PTPRD: variants seen among roughly 807,000 people sequenced by gnomAD.
The protein encoded by PTPRD is protein tyrosine phosphatase receptor type D.
In PTPRD, 34 loss-of-function variants were observed where a neutral mutation model predicts 214.5. That is an observed-to-expected ratio of 0.16 (90% CI 0.12 to 0.21). The LOEUF is 0.21. Among genes scored for constraint, PTPRD ranks in the 10% least tolerant of loss-of-function variants. The pLI, the probability that PTPRD is intolerant of heterozygous loss-of-function variation, is 1.00. For synonymous variants in PTPRD, 1,128 were observed against 845.7 expected (o/e 1.33, Z -5.79); for missense variants, 2,545 against 2,398.7 (o/e 1.06, Z -1.27).
At chr9:10,283,249 G>T (rs976634618) in intron 3 of PTPRD, among the ~76,000 whole-genome samples, 1 of 152,064 alleles carries the variant, frequency 6.6e-6, no homozygotes, top group African/African-American at 2.4e-5. Context: ...ATGTCCTGAT[G>T]TATGTGCTTA....
chr9:8,480,168 G>T (rs747624206), intron 30 of PTPRD, among the ~76,000 whole-genome samples: 1 of 152,192 alleles, frequency 6.6e-6, no homozygotes, highest in Admixed American at 6.5e-5. Context: ...CAGCAGGAAA[G>T]TCTTAAGAGG....
intron 4 of PTPRD, among the ~76,000 whole-genome samples, chr9:9,999,586 A>G (rs2096258452): frequency 6.6e-6 from 1 of 152,204 alleles, no homozygotes; most frequent in Non-Finnish European, 1.5e-5. Context: ...ATTATTTACT[A>G]CGTCACTCTC....
chr9:9,530,659 T>C (rs188291665), intron 8 of PTPRD, among the ~76,000 whole-genome samples: 3 of 152,304 alleles, frequency 2.0e-5, no homozygotes, highest in African/African-American at 7.2e-5. Flanking sequence ...AAAGAAAATG[T>C]TGTGTGTCAC....
chr9:8,426,463 C>T (rs1365769388), intron 35 of PTPRD, among the ~76,000 whole-genome samples: 2 of 152,098 alleles, frequency 1.3e-5, no homozygotes. Flanking sequence ...TGTCTTTTTT[C>T]AGTCCTTGCT....
chr9:9,656,693 G>GATA (rs1304734308), intron 7 of PTPRD, among the ~76,000 whole-genome samples: 2 of 152,076 alleles, frequency 1.3e-5, no homozygotes, highest in Admixed American at 1.3e-4. Flanking sequence ...TATAATGGTG[G>GATA]ATACATCATT....
At chr9:8,824,721 T>G (rs2097141983) in intron 11 of PTPRD, among the ~76,000 whole-genome samples, 1 of 152,166 alleles carries the variant, frequency 6.6e-6, no homozygotes, top group Non-Finnish European at 1.5e-5. Flanking sequence ...TGATCCAGAT[T>G]TTTACATTAC....
intron 2 of PTPRD, among the ~76,000 whole-genome samples, chr9:10,562,170 A>G (rs1018990706): frequency 6.6e-6 from 1 of 152,126 alleles, no homozygotes; most frequent in Non-Finnish European, 1.5e-5. Context: ...GAACCTGAAG[A>G]TGATGGTCTG....
chr9:9,496,172 C>T (rs916089413), intron 8 of PTPRD, among the ~76,000 whole-genome samples: 4 of 151,980 alleles, frequency 2.6e-5, no homozygotes, highest in African/African-American at 9.7e-5. Context: ...TTGGATATGA[C>T]ACCAAAAACT....
intron 9 of PTPRD, among the ~76,000 whole-genome samples, chr9:9,367,134 G>A (rs907102043): frequency 3.0e-4 from 45 of 151,304 alleles, no homozygotes; most frequent in Non-Finnish European, 3.7e-4. Flanking sequence ...TCAGTGTTAC[G>A]TGGGGTTATT....
chr9:10,093,055 G>A (rs1020280880), intron 3 of PTPRD, among the ~76,000 whole-genome samples: 11 of 151,488 alleles, frequency 7.3e-5, no homozygotes, highest in Non-Finnish European at 1.5e-4. Context: ...AATAATTTAT[G>A]ATCAAGTCCC....
At chr9:10,311,971 A>T (rs1024724002) in intron 3 of PTPRD, among the ~76,000 whole-genome samples, 1 of 151,834 alleles carries the variant, frequency 6.6e-6, no homozygotes, top group African/African-American at 2.4e-5. Flanking sequence ...ACATTCACAG[A>T]CACATCTGGT....
At chr9:9,088,607 A>AAAAAAAAAAAAAAG in intron 10 of PTPRD, among the ~76,000 whole-genome samples, 1 of 148,576 alleles carries the variant, frequency 6.7e-6, no homozygotes, top group East Asian at 2.0e-4. Flanking sequence ...AAAAAAAAAA[A>AAAAAAAAAAAAAAG]AAGAAGTCTG....
chr9:8,578,276 G>C (rs932118464), intron 14 of PTPRD, among the ~76,000 whole-genome samples: 1 of 152,086 alleles, frequency 6.6e-6, no homozygotes, highest in African/African-American at 2.4e-5. Context: ...AAACTTAAAA[G>C]ATGCTACTAA....
chr9:8,494,645 G>T (rs1174859113), intron 26 of PTPRD, among the ~76,000 whole-genome samples: 2 of 152,160 alleles, frequency 1.3e-5, no homozygotes, highest in African/African-American at 4.8e-5. Context: ...AAGAAATTAT[G>T]CACTCTGAGA....
chr9:10,155,506 G>A (rs779532885), intron 3 of PTPRD, among the ~76,000 whole-genome samples: 1 of 152,140 alleles, frequency 6.6e-6, no homozygotes, highest in Non-Finnish European at 1.5e-5. Flanking sequence ...AGATGAGAGA[G>A]GGACTCCTTG....
intron 5 of PTPRD, among the ~76,000 whole-genome samples, chr9:9,806,367 T>C (rs1266769835): frequency 1.3e-5 from 2 of 152,116 alleles, no homozygotes; most frequent in Admixed American, 6.5e-5. Context: ...CGTCAAGCCA[T>C]TATGACATTC....
chr9:8,745,299 C>T (rs1023201743), intron 11 of PTPRD, among the ~76,000 whole-genome samples: 1 of 152,202 alleles, frequency 6.6e-6, no homozygotes, highest in Non-Finnish European at 1.5e-5. Flanking sequence ...TCTACTTTTA[C>T]TATCTCTGAC....
At chr9:8,573,586 T>A (rs546139094) in intron 14 of PTPRD, among the ~76,000 whole-genome samples, 1 of 152,084 alleles carries the variant, frequency 6.6e-6, no homozygotes, top group South Asian at 2.1e-4. Flanking sequence ...TCAATTAAAA[T>A]AGATGGAGCC....
chr9:8,709,696 G>A (rs1267546111), intron 12 of PTPRD, among the ~76,000 whole-genome samples: 3 of 151,884 alleles, frequency 2.0e-5, no homozygotes, highest in African/African-American at 7.3e-5. Context: ...TACATATAAT[G>A]TTGTCTGTCA....
Sources: allele counts gnomAD v4.1 joint callset (sites outside exome capture counted in the v4.1 genomes callset), GRCh38; gene constraint gnomAD v4.1.1; transcripts MANE v1.5; gene names NCBI Gene and HGNC (gene_info 2026-07-23, HGNC 2026-07-21).